The following SACS variants were observed in gnomAD, a reference collection of about 807,000 sequenced individuals.
SACS encodes the protein sacsin molecular chaperone, also known as sacsin.
In SACS, 197 loss-of-function variants were observed where a neutral mutation model predicts 348.0. That is an observed-to-expected ratio of 0.57 (90% confidence interval 0.50 to 0.64). SACS has a LOEUF of 0.64. Ranked by LOEUF, SACS falls within the 30% of genes least tolerant of loss-of-function variation. SACS has a pLI of 0.00. For missense variants in SACS, 4,999 were observed against 5,360.8 expected (o/e 0.93, Z 2.11); for synonymous variants, 1,985 against 1,910.6 (o/e 1.04, Z -1.02).
In SACS at chr13:23,426,352, A is replaced by G. The variant is rs1210895462; in HGVS notation, c.-502+7263T>C. 3.3e-5 allele frequency among the ~76,000 whole-genome samples: 5 copies of G among 152,294 alleles called. No homozygotes were observed. The East Asian group carries it at 9.7e-4, about 29-fold the overall frequency. On this transcript the variant is annotated intron_variant, in intron 1 of 9. Coordinates refer to ENST00000382292, the MANE Select transcript of SACS (RefSeq NM_014363.6). ...TGAGACATCAGTTAGTATATGTAAGAAGTACAGGCCAGGTGCAGTGGCCCA... is the reference window on the plus strand; with the variant it reads ...TGAGACATCAGTTAGTATATGTAAGGAGTACAGGCCAGGTGCAGTGGCCCA...
In SACS at chr13:23,332,890, T is replaced by C; in HGVS notation, c.10986A>G (p.Glu3662=). The C allele has an allele frequency of 6.2e-7, 1 of 1,613,918 alleles. No individual in the cohort carries two copies. Among genetic ancestry groups the C allele is most frequent in the Non-Finnish European group, 8.5e-7 (1 of 1,179,922 alleles). Reference sequence around the variant, plus strand: ...GATATTGAGGATGAAATCTAATGAATTCCGCGGGGGCCCGCTCAGGACATA... The same window carrying C: ...GATATTGAGGATGAAATCTAATGAACTCCGCGGGGGCCCGCTCAGGACATA... ...PFLCPERAPA[E]FIRFHPQYQE... Residue 3662 remains glutamate (E), a synonymous_variant, in exon 10 of 10, where the codon GAA becomes GAG. Transcript: ENST00000382292.
intron 2 of SACS, among the ~76,000 whole-genome samples, chr13:23,394,917 A>G: frequency 6.6e-6 from 1 of 152,052 alleles, no homozygotes; most frequent in Admixed American, 6.6e-5. Flanking sequence ...GGATCCTTGG[A>G]CCTCTCATAC....
Position 23,331,579 on chromosome 13 carries a change from C to A in SACS, c.12297G>T (p.Leu4099=), listed in dbSNP as rs200793339. Residue 4099 remains leucine, a synonymous_variant, in exon 10 of 10, where the codon CTG becomes CTT. Transcript: ENST00000382292. ...QHSDSKDINF[L]LALAMTLKSA... ...ATTTAAGAGTCATTGCCAATGCTAA[C>A]AGGAAATTAATGTCTTTACTGTCTG... 21 of 1,613,832 alleles carry A rather than the reference C, an allele frequency of 1.3e-5. No individual in the cohort carries two copies. Among genetic ancestry groups the A allele is most frequent in the Non-Finnish European group, 1.7e-5 (20 of 1,179,928 alleles).
chr13:23,356,618 C>G (rs1488256067), intron 7 of SACS, among the ~76,000 whole-genome samples: 2 of 152,216 alleles, frequency 1.3e-5, no homozygotes, highest in South Asian at 4.1e-4. Context: ...TTGATACCAG[C>G]TGCTTCACCT....
chr13:23,333,364 T>C lies in SACS; in HGVS notation c.10512A>G (p.Leu3504=). 6.3e-7 allele frequency: 1 copy of C among 1,597,938 alleles called. No homozygotes were observed. The highest frequency in any genetic ancestry group is 8.5e-7 in the Non-Finnish European group (1 of 1,174,758). ...LEHLIYLKNR[L]SSAEELSEIK... is the part of the protein sequence containing the mutation. ...TCTCTGATAATTCCTCAGCACTTGA[T>C]AATCTATTCTTAAGGTAGATCAAGT... Residue 3504 remains leucine, a synonymous_variant, in exon 10 of 10, where the codon TTA becomes TTG. Transcript: ENST00000382292.
rs1042312859 is a variant in SACS, at chr13:23,329,410, A to C, written c.*726T>G. 1 of 762,246 alleles carries C rather than the reference A, an allele frequency of 1.3e-6. No homozygotes were observed. The highest frequency in any genetic ancestry group is 1.7e-5 in the African/African-American group (1 of 58,264). The allele number at this position is 762,246 out of a possible 1,614,324, so 47.2% of individuals were successfully genotyped here. A position where few individuals can be genotyped will look rare whatever the true frequency, so the allele number is the denominator to read the frequency against. ...GTTGTCTTGGCAAGCAGTTTCCAGA[A>C]ACAATACTAACAACTGGTAATAAGA... On this transcript the variant is annotated 3_prime_UTR_variant, in exon 10 of 10. Transcript: ENST00000382292.
intron 2 of SACS, 106 bp from the exon 3 acceptor site, chr13:23,375,375 G>A (rs1871698170): frequency 8.0e-7 from 1 of 1,254,704 alleles, no homozygotes; most frequent in Non-Finnish European, 1.0e-6. Flanking sequence ...CGGCGCGGCA[G>A]GCGCCCCTAG....
rs756222456 is a variant in SACS, at chr13:23,334,948, A to G, written c.8928T>C (p.Cys2976=). 6.2e-7 allele frequency: 1 copy of G among 1,613,936 alleles called. No homozygotes were observed. The highest frequency in any genetic ancestry group is 1.1e-5 in the South Asian group (1 of 91,076). Residue 2976 remains cysteine (C), a synonymous_variant, in exon 10 of 10, where the codon TGT becomes TGC. Transcript: ENST00000382292. ...NRLDLQPDLY[C]LVKALYNCIH... is the part of the protein sequence containing the mutation. Reference sequence around the variant, plus strand: ...TGCAATTGTAAAGTGCTTTCACTAGACAATATAAATCTGGCTGTAGATCAA... The same window carrying G: ...TGCAATTGTAAAGTGCTTTCACTAGGCAATATAAATCTGGCTGTAGATCAA...
In SACS at chr13:23,355,069, G is replaced by A. The variant is rs752833893; in HGVS notation, c.1543C>T (p.Arg515Cys). The A allele has an allele frequency of 1.1e-5, 18 of 1,614,154 alleles. No homozygotes were observed. Among genetic ancestry groups the A allele is most frequent in the Middle Eastern group, 1.6e-4 (1 of 6,062 alleles). ...YATLILDSIK[R>C]LEMEKSSDFP... The stretch of plus-strand genomic sequence containing the variant: ...TCAGAGCTCTTTTCCATCTCCAGAC[G>A]TTTTATTGAATCTAAGATCAGAGTA... The change falls in exon 8 of 10, where the codon CGT (arginine) becomes TGT (cysteine). Residue 515 changes from arginine (R) to cysteine (C), a missense_variant. Coordinates refer to ENST00000382292, the MANE Select transcript of SACS (RefSeq NM_014363.6).
At chr13:23,387,323 A>G (rs778804990) in intron 2 of SACS, among the ~76,000 whole-genome samples, 4 of 152,122 alleles carry the variant, frequency 2.6e-5, no homozygotes, top group East Asian at 3.9e-4. Context: ...TTAGCCGGGC[A>G]TGGCGGCGGG....
intron 2 of SACS, among the ~76,000 whole-genome samples, chr13:23,378,888 T>A (rs762233925): frequency 1.3e-5 from 2 of 152,186 alleles, no homozygotes; most frequent in Non-Finnish European, 2.9e-5. Context: ...TATAAACTTG[T>A]GAAACACTCC....
rs1872960118 is a variant in SACS, at chr13:23,401,189, G to GC, written c.20+10030dup. Reference sequence around the variant, plus strand: ...CACATATAAGAGGAAAAGATCTTGGGCCCCCAAAATCGCTCAGGAAAACTC... The same window carrying GC: ...CACATATAAGAGGAAAAGATCTTGGGCCCCCCAAAATCGCTCAGGAAAACTC... On this transcript the variant is annotated intron_variant, in intron 2 of 9. Transcript: ENST00000382292. Among the ~76,000 whole-genome samples, 3 of 152,080 alleles carry GC rather than the reference G, an allele frequency of 2.0e-5. No homozygotes were observed. The South Asian group carries it at 6.2e-4, about 32-fold the overall frequency.
At chr13:23,427,853 G>C (rs1310575330) in intron 1 of SACS, 1 of 152,266 alleles carries the variant, frequency 6.6e-6, no homozygotes, top group Admixed American at 6.5e-5. Flanking sequence ...GACAAGAAAG[G>C]CCTCTCCTGC....
intron 7 of SACS, among the ~76,000 whole-genome samples, chr13:23,357,445 G>A (rs539473971): frequency 2.6e-5 from 4 of 152,264 alleles, no homozygotes; most frequent in Admixed American, 2.6e-4. Flanking sequence ...GGCTAGAGTT[G>A]GGATGACCCT....
At position 23,393,183 on chromosome 13, in the gene SACS, T is replaced by C. The variant is rs183669673; in HGVS notation, c.21-17914A>G. Reference sequence around the variant, plus strand: ...TCCTAAGCCCATGTGAGACGTCACCTCTCCAAGGACACCCAGAAATAGCTG... The same window carrying C: ...TCCTAAGCCCATGTGAGACGTCACCCCTCCAAGGACACCCAGAAATAGCTG... On this transcript the variant is annotated intron_variant, in intron 2 of 9. Transcript: ENST00000382292. Among the ~76,000 whole-genome samples the C allele has an allele frequency of 4.5e-3, 687 of 152,128 alleles. 3 individuals are homozygous for C. The highest frequency in any genetic ancestry group is 7.6e-3 in the Non-Finnish European group (515 of 67,988).
At chr13:23,426,141 G>A (rs1048565981) in intron 1 of SACS, among the ~76,000 whole-genome samples, 7 of 152,074 alleles carry the variant, frequency 4.6e-5, no homozygotes, top group African/African-American at 1.7e-4. Context: ...TATTCCCCAC[G>A]ACTGAGTGCC....
chr13:23,371,649 T>C (rs971807065), intron 3 of SACS, among the ~76,000 whole-genome samples: 2 of 152,242 alleles, frequency 1.3e-5, no homozygotes, highest in Admixed American at 6.5e-5. Context: ...TAAAAACAAC[T>C]GAATGTAAAC....
chr13:23,401,186 T>C (rs762921034), intron 2 of SACS, among the ~76,000 whole-genome samples: 21 of 152,196 alleles, frequency 1.4e-4, no homozygotes, highest in Non-Finnish European at 2.4e-4. Context: ...GAAAAGATCT[T>C]GGGCCCCCAA....
intron 1 of SACS, among the ~76,000 whole-genome samples, chr13:23,430,072 G>T (rs931972596): frequency 1.3e-5 from 2 of 152,100 alleles, no homozygotes; most frequent in African/African-American, 4.8e-5. Flanking sequence ...GCCGGACGTG[G>T]TAGCAGTCAC....
Sources: gnomAD v4.1 joint callset for allele counts (sites outside exome capture counted in the v4.1 genomes callset) on GRCh38, gnomAD v4.1.1 for gene constraint, MANE v1.5 for transcripts, NCBI Gene and HGNC (gene_info 2026-07-23, HGNC 2026-07-21) for gene names.